The following ARRB1 variants were observed in gnomAD, a reference collection of about 807,000 sequenced individuals.
ARRB1 encodes beta-arrestin-1.
A neutral mutation model predicts 56.8 loss-of-function variants in ARRB1; 21 were observed. The ratio of observed to expected loss-of-function variants is 0.37; its 90% CI spans 0.26 to 0.53. The LOEUF is 0.53. Among genes scored for constraint, ARRB1 ranks in the 20% least tolerant of loss-of-function variants. ARRB1 has a pLI of 0.88. For synonymous variants in ARRB1, 210 were observed against 218.6 expected (o/e 0.96, Z 0.35); for missense variants, 424 against 553.7 (o/e 0.77, Z 2.35).
rs1400390981 is a variant in ARRB1, at chr11:75,265,814, T to C, written c.*349A>G. 9.5e-6 allele frequency: 3 copies of C among 316,950 alleles called. No homozygotes were observed. Among genetic ancestry groups the C allele is most frequent in the Non-Finnish European group, 1.2e-5 (2 of 164,506 alleles). The allele number at this position is 316,950 out of a possible 1,614,324, so 19.6% of individuals were successfully genotyped here. On this transcript the variant is annotated 3_prime_UTR_variant, in exon 16 of 16. Transcript: ENST00000420843. Reference sequence around the variant, plus strand: ...TCATCCCCACCCCTCCAAGCCCTCATGCCCACCACACCGTGTCCCACATTC... The same window carrying C: ...TCATCCCCACCCCTCCAAGCCCTCACGCCCACCACACCGTGTCCCACATTC...
At chr11:75,326,253 G>A (rs925773151) in intron 1 of ARRB1, among the ~76,000 whole-genome samples, 1 of 152,202 alleles carries the variant, frequency 6.6e-6, no homozygotes, top group Non-Finnish European at 1.5e-5. Flanking sequence ...ACTGAGTCAT[G>A]CTTGCAGCTG....
At chr11:75,336,622 T>A (rs1361028802) in intron 1 of ARRB1, among the ~76,000 whole-genome samples, 1 of 152,220 alleles carries the variant, frequency 6.6e-6, no homozygotes, top group Non-Finnish European at 1.5e-5. Flanking sequence ...AGACTGAGAC[T>A]GTCCCAGGAA....
At chr11:75,276,258 T>C (rs1224529655) in intron 10 of ARRB1, among the ~76,000 whole-genome samples, 1 of 152,208 alleles carries the variant, frequency 6.6e-6, no homozygotes, top group Admixed American at 6.5e-5. Context: ...TTTACTTCCT[T>C]TAGGTAAGTA....
At chr11:75,271,799 T>C (rs1946079179) in intron 12 of ARRB1, 75 bp from the exon 13 acceptor site, 2 of 1,467,950 alleles carry the variant, frequency 1.4e-6, no homozygotes, top group East Asian at 2.5e-5. Context: ...AGCACATTCA[T>C]TCACCACTTC....
intron 5 of ARRB1, chr11:75,282,275 G>T (rs996350402): frequency 2.3e-6 from 1 of 439,236 alleles, no homozygotes; most frequent in Non-Finnish European, 4.1e-6. Context: ...GATGTCTACT[G>T]TGGTTGGCAG....
chr11:75,280,826 G>A (rs1314237941), intron 7 of ARRB1, among the ~76,000 whole-genome samples: 1 of 152,198 alleles, frequency 6.6e-6, no homozygotes, highest in African/African-American at 2.4e-5. Flanking sequence ...GAGAGGCAGG[G>A]AGATGAGGGA....
intron 1 of ARRB1, among the ~76,000 whole-genome samples, chr11:75,301,038 G>A (rs1381666448): frequency 1.3e-5 from 2 of 151,708 alleles, no homozygotes; most frequent in Non-Finnish European, 2.9e-5. Flanking sequence ...CAGCTACTCT[G>A]GAGGCTGAGA....
intron 1 of ARRB1, among the ~76,000 whole-genome samples, chr11:75,335,843 C>T (rs1023824257): frequency 6.6e-6 from 1 of 152,240 alleles, no homozygotes; most frequent in Non-Finnish European, 1.5e-5. Flanking sequence ...ATCCACATCC[C>T]GTTTGGCCCA....
At chr11:75,344,659 A>G (rs1362126662) in intron 1 of ARRB1, among the ~76,000 whole-genome samples, 1 of 152,094 alleles carries the variant, frequency 6.6e-6, no homozygotes, top group Non-Finnish European at 1.5e-5. Flanking sequence ...GGATGGACGC[A>G]TCCTGCACAC....
intron 1 of ARRB1, among the ~76,000 whole-genome samples, chr11:75,348,681 T>C (rs1216132643): frequency 6.6e-6 from 1 of 152,054 alleles, no homozygotes; most frequent in Non-Finnish European, 1.5e-5. Flanking sequence ...CACTGCAGCC[T>C]TAACCTCCAG....
chr11:75,346,685 C>T (rs1199243806), intron 1 of ARRB1, among the ~76,000 whole-genome samples: 1 of 152,162 alleles, frequency 6.6e-6, no homozygotes, highest in Non-Finnish European at 1.5e-5. Context: ...TTCTTTGGCT[C>T]CAAGAATATG....
At chr11:75,281,563 A>C in intron 6 of ARRB1, 1 of 324,434 alleles carries the variant, frequency 3.1e-6, no homozygotes, top group Non-Finnish European at 5.7e-6. Flanking sequence ...GCAGATGAGG[A>C]AGCTGGGCTC....
chr11:75,306,502 C>G (rs1947033982), intron 1 of ARRB1: 1 of 930,480 alleles, frequency 1.1e-6, no homozygotes. Context: ...ATGTAAATCC[C>G]AGAAAGAGAG....
rs1945830151 is a variant in ARRB1, at chr11:75,262,917, C to T, written c.*3246G>A. 6.6e-6 allele frequency among the ~76,000 whole-genome samples: 1 copy of T among 152,234 alleles called. No homozygotes were observed. Among genetic ancestry groups the T allele is most frequent in the South Asian group, 2.1e-4 (1 of 4,830 alleles). ...GCTGAGGAGAGGTGCAGCCAAATAA[C>T]TCAGTCCTTATCTTCATGGGGACTG... On this transcript the variant is annotated 3_prime_UTR_variant, in exon 16 of 16. Transcript: ENST00000420843.
At chr11:75,283,564 A>T in intron 4 of ARRB1, 81 bp from the exon 5 acceptor site, 1 of 1,380,682 alleles carries the variant, frequency 7.2e-7, no homozygotes, top group Non-Finnish European at 9.7e-7. Flanking sequence ...CAGCCCTGGG[A>T]CGGGCCCCAC....
Position 75,277,455 on chromosome 11 carries a change from G to A in ARRB1, c.619-7C>T. ...GTTCTCCATGGTAATAGATCTGGGGGGCATAAGAAGGGACGGGGTTGGCTG... is the reference window on the plus strand; with the variant it reads ...GTTCTCCATGGTAATAGATCTGGGGAGCATAAGAAGGGACGGGGTTGGCTG... On this transcript the variant is annotated splice_region_variant and splice_polypyrimidine_tract_variant and intron_variant, in intron 8 of 15. Transcript: ENST00000420843. The A allele has an allele frequency of 6.2e-7, 1 of 1,613,558 alleles. No homozygotes were observed. Among genetic ancestry groups the A allele is most frequent in the Non-Finnish European group, 8.5e-7 (1 of 1,179,446 alleles).
intron 1 of ARRB1, among the ~76,000 whole-genome samples, chr11:75,350,255 C>G (rs1026135465): frequency 6.6e-6 from 1 of 152,166 alleles, no homozygotes; most frequent in Non-Finnish European, 1.5e-5. Flanking sequence ...TGGTGTCTCT[C>G]TAGTCTGTTA....
chr11:75,309,448 T>C (rs1016967792), intron 1 of ARRB1, among the ~76,000 whole-genome samples: 2 of 152,240 alleles, frequency 1.3e-5, no homozygotes, highest in African/African-American at 2.4e-5. Flanking sequence ...GGCAGGCCTG[T>C]AGCCTCATCA....
chr11:75,320,243 G>A (rs1190701398), intron 1 of ARRB1, among the ~76,000 whole-genome samples: 1 of 152,190 alleles, frequency 6.6e-6, no homozygotes, highest in Non-Finnish European at 1.5e-5. Context: ...GGCCGGAGAG[G>A]ATGGCTGCTG....
Sources: gnomAD v4.1 joint callset for allele counts (sites outside exome capture counted in the v4.1 genomes callset) on GRCh38, gnomAD v4.1.1 for gene constraint, MANE v1.5 for transcripts, NCBI Gene and HGNC (gene_info 2026-07-23, HGNC 2026-07-21) for gene names.